The following KLF15 variants were observed in gnomAD, a reference collection of about 807,000 sequenced individuals.
The protein encoded by KLF15 is Krueppel-like factor 15.
KLF15 carries 4 observed loss-of-function variants against 24.6 expected under a neutral mutation model. That is an observed-to-expected ratio of 0.16 (90% CI 0.08 to 0.37). The LOEUF (loss-of-function observed/expected upper bound fraction) is 0.37, where lower values mean the gene tolerates loss of function less well. Among genes scored for constraint, KLF15 ranks in the 10% least tolerant of loss-of-function variants. The pLI, the probability that KLF15 is intolerant of heterozygous loss-of-function variation, is 1.00. For synonymous variants in KLF15, 246 were observed against 236.3 expected (o/e 1.04, Z -0.37); for missense variants, 496 against 560.6 (o/e 0.88, Z 1.16).
the KLF15 span, among the ~76,000 whole-genome samples, chr3:126,311,043 G>A: frequency 3.9e-4 from 60 of 152,324 alleles, no homozygotes; most frequent in African/African-American, 1.4e-3. Context: ...CTCAGGGTGA[G>A]GGCAGTGCAG....
At chr3:126,289,594 A>G in the KLF15 span, among the ~76,000 whole-genome samples, 1 of 152,170 alleles carries the variant, frequency 6.6e-6, no homozygotes, top group East Asian at 1.9e-4. Context: ...AAGACGATAC[A>G]TTTCTCACTT....
chr3:126,316,204 G>A, the KLF15 span, among the ~76,000 whole-genome samples: 1 of 152,114 alleles, frequency 6.6e-6, no homozygotes, highest in Non-Finnish European at 1.5e-5. Context: ...GGAGTGCACG[G>A]GCGGAGTGGG....
intron 2 of KLF15, 34 bp from the exon 3 acceptor site, chr3:126,343,929 C>G (rs1271127669): frequency 6.6e-7 from 1 of 1,507,432 alleles, no homozygotes; most frequent in Admixed American, 2.3e-5. Context: ...GAGGCCTGGC[C>G]CTGCCTGCCC....
chr3:126,341,660 G>A (rs534760751), downstream of KLF15, among the ~76,000 whole-genome samples: 15 of 152,118 alleles, frequency 9.9e-5, no homozygotes, highest in Admixed American at 2.6e-4. Flanking sequence ...TGAGAACAAC[G>A]GCCTCTGCCC....
Position 126,352,367 on chromosome 3 carries a change from A to T in KLF15, c.556T>A (p.Ser186Thr). 5 of 1,609,488 alleles carry T rather than the reference A, an allele frequency of 3.1e-6. No homozygotes were observed. Among genetic ancestry groups the T allele is most frequent in the Non-Finnish European group, 4.2e-6 (5 of 1,178,084 alleles). Residue 186 changes from serine (S) to threonine (T), a missense_variant, in exon 2 of 3, where the codon TCC becomes ACC. Physicochemically the swap from Ser to Thr is moderately conservative, Grantham distance 58. This residue lies in a region of KLF15 where 399 missense variants were observed against 423.1 expected (regional missense o/e 0.94). Coordinates refer to ENST00000296233, the MANE Select transcript of KLF15 (RefSeq NM_014079.4). ...GGGGAACAGCGCTCTCTCCCGCTGGACCCAGGATGGAGGTGGCTCTTGTGT... is the reference window on the plus strand; with the variant it reads ...GGGGAACAGCGCTCTCTCCCGCTGGTCCCAGGATGGAGGTGGCTCTTGTGT... ...GPHKSHLHPG[S>T]SGRERCSPPP...
Position 126,353,247 on chromosome 3 carries a change from T to A in KLF15, c.-25-300A>T, listed in dbSNP as rs187479358. ...ATGTCTGTGAACAACTGAGTATGGG[T>A]GAGTATGAGAGAAGGGCATGCGCGA... On this transcript the variant is annotated intron_variant, in intron 1 of 2. Coordinates refer to ENST00000296233, the MANE Select transcript of KLF15 (RefSeq NM_014079.4). Among the ~76,000 whole-genome samples the A allele has an allele frequency of 3.9e-5, 6 of 152,112 alleles. No individual in the cohort carries two copies. The East Asian group carries it at 1.2e-3, about 29-fold the overall frequency.
chr3:126,327,841 G>A, the KLF15 span, among the ~76,000 whole-genome samples: 1 of 152,152 alleles, frequency 6.6e-6, no homozygotes, highest in African/African-American at 2.4e-5. Context: ...GTTCACAAAT[G>A]TTTGCTGTCA....
the KLF15 span, chr3:126,290,897 A>G: frequency 1.3e-5 from 2 of 152,212 alleles, no homozygotes; most frequent in Non-Finnish European, 2.9e-5. Flanking sequence ...CTCATTCTGT[A>G]CTTTTACCAT....
At chr3:126,326,597 G>A in the KLF15 span, among the ~76,000 whole-genome samples, 6 of 152,346 alleles carry the variant, frequency 3.9e-5, no homozygotes, top group East Asian at 7.7e-4. Flanking sequence ...CATGGAGCAC[G>A]TTGGAGTGCA....
chr3:126,331,635 C>G, the KLF15 span, among the ~76,000 whole-genome samples: 28 of 152,282 alleles, frequency 1.8e-4, no homozygotes, highest in East Asian at 1.5e-3. Flanking sequence ...CGAATAGGAA[C>G]AGCTCCGGTC....
chr3:126,347,049 G>A (rs1021609506), intron 2 of KLF15, among the ~76,000 whole-genome samples: 11 of 152,152 alleles, frequency 7.2e-5, no homozygotes, highest in Admixed American at 7.2e-4. Flanking sequence ...TGAGTGTTGG[G>A]CCTGGTTCCT....
rs12639152 is a variant in KLF15, at chr3:126,355,032, C to T, written c.-25-2085G>A. Among the ~76,000 whole-genome samples the T allele has an allele frequency of 2.6e-5, 4 of 152,360 alleles. No homozygotes were observed. The East Asian group carries it at 7.7e-4, about 29-fold the overall frequency. Reference sequence around the variant, plus strand: ...CCAGCCATTGGTGTCAGCCTGCAGGCACGGCAAACGTTCGGCCTCTGCCCC... The same window carrying T: ...CCAGCCATTGGTGTCAGCCTGCAGGTACGGCAAACGTTCGGCCTCTGCCCC... On this transcript the variant is annotated intron_variant, in intron 1 of 2. Coordinates refer to ENST00000296233, the MANE Select transcript of KLF15 (RefSeq NM_014079.4).
chr3:126,352,833 C>T lies in KLF15; in HGVS notation c.90G>A (p.Arg30=). ...GYLGDRLVGR[R]AYHMLPSPVS... ...CGGGTGAGGGCAGCATGTGATATGC[C>T]CGCCGGCCAACCAGCCTATCACCCA... The change falls in exon 2 of 3, where the codon CGG becomes CGA. Residue 30 remains arginine (R), a synonymous_variant. Coordinates refer to ENST00000296233, the MANE Select transcript of KLF15 (RefSeq NM_014079.4). 1 of 1,608,892 alleles carries T rather than the reference C, an allele frequency of 6.2e-7. No homozygotes were observed. Among genetic ancestry groups the T allele is most frequent in the Non-Finnish European group, 8.5e-7 (1 of 1,178,014 alleles).
Position 126,343,674 on chromosome 3 carries a change from T to A in KLF15, c.*53A>T. 1 of 1,528,164 alleles carries A rather than the reference T, an allele frequency of 6.5e-7. No individual in the cohort carries two copies. Among genetic ancestry groups the A allele is most frequent in the East Asian group, 2.4e-5 (1 of 41,702 alleles). The allele number at this position is 1,528,164 out of a possible 1,614,324, so 94.7% of individuals were successfully genotyped here. On this transcript the variant is annotated 3_prime_UTR_variant, in exon 3 of 3. Transcript: ENST00000296233. ...GCAAATAAATTATTGCTTAAAAAAA[T>A]GGGGATGGGGTGGGGATCCGGGGTG...
chr3:126,295,982 A>G, the KLF15 span, among the ~76,000 whole-genome samples: 2 of 152,198 alleles, frequency 1.3e-5, no homozygotes, highest in African/African-American at 4.8e-5. Flanking sequence ...TGGTATATTC[A>G]TAGTTGATGC....
chr3:126,351,932 T>C lies in KLF15; in HGVS notation c.991A>G (p.Met331Val). The C allele has an allele frequency of 3.7e-6, 6 of 1,613,884 alleles. No homozygotes were observed. The South Asian group carries it at 6.6e-5, about 18-fold the overall frequency. Residue 331 changes from methionine to valine, a missense_variant, in exon 2 of 3, where the codon ATG (methionine) becomes GTG (valine). Met to Val is a conservative substitution (Grantham distance 21). This residue lies in a region of KLF15 where 59 missense variants were observed against 106.1 expected (regional missense o/e 0.56). Coordinates refer to ENST00000296233, the MANE Select transcript of KLF15 (RefSeq NM_014079.4). ...TTGAGGTGGCTGCTTTTGGTGTACA[T>C]CTTGCTGCAGCCAGGGAAAGTACAT... ...HKCTFPGCSK[M>V]YTKSSHLKAH...
chr3:126,310,829 G>A, the KLF15 span, among the ~76,000 whole-genome samples: 2 of 152,186 alleles, frequency 1.3e-5, no homozygotes, highest in African/African-American at 4.8e-5. Flanking sequence ...TTGGAGGTTA[G>A]GACTTCAACA....
chr3:126,345,636 C>A (rs962986961), intron 2 of KLF15, among the ~76,000 whole-genome samples: 1 of 152,162 alleles, frequency 6.6e-6, no homozygotes, highest in African/African-American at 2.4e-5. Flanking sequence ...AGGCCCAACA[C>A]CCCTTTGTGG....
At chr3:126,294,560 G>C in the KLF15 span, among the ~76,000 whole-genome samples, 9 of 152,316 alleles carry the variant, frequency 5.9e-5, no homozygotes, top group East Asian at 1.5e-3. Flanking sequence ...AGGAGGAAGA[G>C]CAAGGCCTTC....
Sources: gnomAD v4.1 joint callset for allele counts (sites outside exome capture counted in the v4.1 genomes callset) on GRCh38, gnomAD v4.1.1 for gene constraint, gnomAD v4.1.1 regional missense constraint, MANE v1.5 for transcripts, NCBI Gene and HGNC (gene_info 2026-07-23, HGNC 2026-07-21) for gene names.